FBXW10: variants seen among roughly 807,000 people sequenced by gnomAD.
FBXW10 encodes F-box/WD repeat-containing protein 10.
A neutral mutation model predicts 113.1 loss-of-function variants in FBXW10; 68 were observed. The ratio of observed to expected loss-of-function variants is 0.60; its 90% CI spans 0.49 to 0.74. FBXW10 has a LOEUF of 0.74. Among genes scored for constraint, FBXW10 ranks in the 30% least tolerant of loss-of-function variants. The pLI, the probability that FBXW10 is intolerant of heterozygous loss-of-function variation, is 0.00. For synonymous variants in FBXW10, 289 were observed against 481.6 expected (o/e 0.60, Z 5.24); for missense variants, 753 against 1,284.5 (o/e 0.59, Z 6.32).
intron 2 of FBXW10, among the ~76,000 whole-genome samples, chr17:18,749,463 C>T (rs2035111489): frequency 6.6e-6 from 1 of 151,948 alleles, no homozygotes; most frequent in South Asian, 2.1e-4. Flanking sequence ...AGGAGAATGG[C>T]GTGAACCCGG....
At chr17:18,752,959 G>A (rs2035196816) in intron 5 of FBXW10, among the ~76,000 whole-genome samples, 2 of 152,142 alleles carry the variant, frequency 1.3e-5, no homozygotes, top group Admixed American at 6.5e-5. Context: ...GTCAGTAATG[G>A]CCCAACAGAA....
Position 18,744,375 on chromosome 17 carries a change from G to T in FBXW10, c.131G>T (p.Trp44Leu). 2 of 1,613,772 alleles carry T rather than the reference G, an allele frequency of 1.2e-6. No individual in the cohort carries two copies. The highest frequency in any genetic ancestry group is 1.7e-6 in the Non-Finnish European group (2 of 1,179,826). Residue 44 changes from tryptophan to leucine, a missense_variant, in exon 1 of 14, where the codon TGG (tryptophan) becomes TTG (leucine). Physicochemically the swap from Trp to Leu is moderately conservative, Grantham distance 61. Coordinates refer to ENST00000395665, the MANE Select transcript of FBXW10 (RefSeq NM_001267585.2). ...LAWKIFSTKE[W>L]FCRINDISQR... ...TGGAAGATCTTCTCTACCAAAGAGTGGTTCTGCAGGATCAATGACATATCA... is the reference window on the plus strand; with the variant it reads ...TGGAAGATCTTCTCTACCAAAGAGTTGTTCTGCAGGATCAATGACATATCA...
rs765943002 is a variant in FBXW10 at position 18,775,119 on chromosome 17, C to T, written c.2279-17C>T. ...AAGTATATAATGACTACAGCTTCTT[C>T]CTCAATCTCAATTTAGCAGTGTTAA... is the stretch of plus-strand genomic sequence containing the variant. On this transcript the variant is annotated splice_polypyrimidine_tract_variant and intron_variant, in intron 12 of 13. Coordinates refer to ENST00000395665, the MANE Select transcript of FBXW10 (RefSeq NM_001267585.2). 16 of 1,586,096 alleles carry T rather than the reference C, an allele frequency of 1.0e-5. No individual in the cohort carries two copies. In the South Asian group the frequency reaches 1.3e-4, roughly 13 times the overall value.
intron 11 of FBXW10, among the ~76,000 whole-genome samples, chr17:18,771,654 T>C (rs1031697480): frequency 6.6e-6 from 1 of 152,164 alleles, no homozygotes; most frequent in African/African-American, 2.4e-5. Context: ...TAGAGAGCTT[T>C]CCTCATTCCC....
At chr17:18,768,335 G>A (rs2035542676) in intron 9 of FBXW10, among the ~76,000 whole-genome samples, 199 bp from the exon 10 acceptor site, 1 of 152,112 alleles carries the variant, frequency 6.6e-6, no homozygotes, top group Non-Finnish European at 1.5e-5. Context: ...CAAAGTGCTA[G>A]GATTACAGGC....
At chr17:18,756,177 G>C in intron 6 of FBXW10, 23 bp downstream of exon 6, 1 of 1,606,394 alleles carries the variant, frequency 6.2e-7, no homozygotes, top group Non-Finnish European at 8.5e-7. Flanking sequence ...GTCAGAATCT[G>C]GGTCTCTAGG....
At chr17:18,751,900 A>C (rs893452528) in intron 5 of FBXW10, among the ~76,000 whole-genome samples, 1 of 152,228 alleles carries the variant, frequency 6.6e-6, no homozygotes, top group African/African-American at 2.4e-5. Flanking sequence ...GCAATAATGA[A>C]GAGTGACCGG....
intron 2 of FBXW10, among the ~76,000 whole-genome samples, chr17:18,748,982 A>G (rs1325479508): frequency 1.3e-5 from 2 of 152,240 alleles, no homozygotes; most frequent in Non-Finnish European, 2.9e-5. Context: ...TAGATTCTAA[A>G]ACACTTTTAT....
rs1219100028 is a variant in FBXW10 at position 18,751,037 on chromosome 17, G to A, written c.1106G>A (p.Trp369Ter). 4 of 1,614,026 alleles carry A rather than the reference G, an allele frequency of 2.5e-6. No homozygotes were observed. The highest frequency in any genetic ancestry group is 1.7e-5 in the Admixed American group (1 of 60,016). ...AGCATGCGTGTGAAACATCCGAAGT[G>A]GAAGCTGAGAACGAAGGTGGGTTCC... Reference protein sequence around the residue: ...GKSMRVKHPKWKLRTKNEYNL... With the variant: ...GKSMRVKHPK The change falls in exon 5 of 14, where the codon TGG (tryptophan) becomes TAG (stop). Residue 369 changes from tryptophan to a stop codon, truncating the protein, a stop_gained. Coordinates refer to ENST00000395665, the MANE Select transcript of FBXW10 (RefSeq NM_001267585.2). LOFTEE classifies it high-confidence loss of function.
intron 7 of FBXW10, among the ~76,000 whole-genome samples, 196 bp from the exon 8 acceptor site, chr17:18,764,546 G>C (rs1314328957): frequency 6.6e-6 from 1 of 152,046 alleles, no homozygotes; most frequent in South Asian, 2.1e-4. Context: ...GAAAGGAAAC[G>C]TAACACAAAA....
At chr17:18,749,556 A>G (rs1234688631) in intron 2 of FBXW10, among the ~76,000 whole-genome samples, 166 bp from the exon 3 acceptor site, 1 of 151,838 alleles carries the variant, frequency 6.6e-6, no homozygotes, top group Non-Finnish European at 1.5e-5. Context: ...CAAAAAAAAA[A>G]AGATTCTATT....
Position 18,769,912 on chromosome 17 carries a change from T to C in FBXW10, c.1848-15T>C. ...CGAGAGGATGGGTACTGCCTGCTAC[T>C]CTGTTCCCTTCCAGGGAGGTGCTCG... On this transcript the variant is annotated splice_polypyrimidine_tract_variant and intron_variant, in intron 10 of 13. Transcript: ENST00000395665. The C allele has an allele frequency of 6.2e-7, 1 of 1,613,918 alleles. No individual in the cohort carries two copies. Among genetic ancestry groups the C allele is most frequent in the Non-Finnish European group, 8.5e-7 (1 of 1,179,906 alleles).
intron 9 of FBXW10, among the ~76,000 whole-genome samples, chr17:18,768,026 TCTTCCTTCCTTCCTTC>T (rs72275127): frequency 7.4e-6 from 1 of 135,680 alleles, no homozygotes; most frequent in African/African-American, 2.8e-5. Flanking sequence ...TTCCTTCCTT[TCTTCCTTCCTTCCTTC>T]CTTCCTTCCT....
chr17:18,776,260 T>C (rs967162212), intron 13 of FBXW10, among the ~76,000 whole-genome samples: 5 of 149,104 alleles, frequency 3.4e-5, no homozygotes, highest in Non-Finnish European at 6.0e-5. Context: ...GGGGTGGGGG[T>C]TGCAGTGAGC....
chr17:18,744,595 G>A lies in FBXW10; in HGVS notation c.351G>A (p.Lys117=), dbSNP rs780882213. The A allele has an allele frequency of 6.8e-6, 11 of 1,614,004 alleles. No homozygotes were observed. The highest frequency in any genetic ancestry group is 3.3e-5 in the Admixed American group (2 of 60,018). The change falls in exon 1 of 14, where the codon AAG becomes AAA. Residue 117 remains lysine, a synonymous_variant. Transcript: ENST00000395665. ...NQMLDKTVEQ[K]MKEILYWFAN... ...TGTTGGATAAAACAGTAGAACAGAA[G>A]ATGAAAGAGATCTTGTACTGGTTTG...
At position 18,758,489 on chromosome 17, in the gene FBXW10, T is replaced by C. The variant is rs150381644; in HGVS notation, c.1417T>C (p.Tyr473His). 1.4e-5 allele frequency: 23 copies of C among 1,613,380 alleles called. No homozygotes were observed. In the African/African-American group the frequency reaches 2.7e-4, roughly 19 times the overall value. ...EEENFLLSGS[Y>H]DLSIRYWDLK... ...GGAAAACTTTCTCCTAAGCGGGAGC[T>C]ATGACCTAAGTATCAGGTGAGGAGT... Residue 473 changes from tyrosine to histidine, a missense_variant, in exon 7 of 14, where the codon TAT becomes CAT. Physicochemically the swap from Tyr to His is moderately conservative, Grantham distance 83. Transcript: ENST00000395665.
At chr17:18,773,391 T>A (rs1168544980) in intron 12 of FBXW10, among the ~76,000 whole-genome samples, 4 of 151,962 alleles carry the variant, frequency 2.6e-5, no homozygotes. Context: ...GAGACAGAAG[T>A]TGTTATAAGC....
At chr17:18,760,665 T>C (rs1196077555) in intron 7 of FBXW10, among the ~76,000 whole-genome samples, 1 of 151,828 alleles carries the variant, frequency 6.6e-6, no homozygotes, top group East Asian at 1.9e-4. Context: ...TAGCTGGGCA[T>C]GGTGGCACAT....
At chr17:18,751,865 T>C (rs1389119919) in intron 5 of FBXW10, among the ~76,000 whole-genome samples, 2 of 152,184 alleles carry the variant, frequency 1.3e-5, no homozygotes, top group Non-Finnish European at 2.9e-5. Flanking sequence ...GTTAACTAAA[T>C]ATAGCCCTTT....
Sources: allele counts gnomAD v4.1 joint callset (sites outside exome capture counted in the v4.1 genomes callset), GRCh38; gene constraint gnomAD v4.1.1; transcripts MANE v1.5; gene names NCBI Gene and HGNC (gene_info 2026-07-23, HGNC 2026-07-21).